The following PLXNA2 variants were observed in gnomAD, a reference collection of about 807,000 sequenced individuals.
PLXNA2 encodes the protein plexin A2, also known as plexin-A2.
In PLXNA2, 91 loss-of-function variants were observed where a neutral mutation model predicts 193.5. That is an observed-to-expected ratio of 0.47 (90% confidence interval 0.40 to 0.56). The LOEUF (loss-of-function observed/expected upper bound fraction) is 0.56. PLXNA2 is among the 20% of genes least tolerant of loss of function. PLXNA2 has a pLI of 0.00. For synonymous variants in PLXNA2, 997 were observed against 1,027.3 expected, an observed-to-expected ratio of 0.97 and a Z score of 0.56; for missense variants, 1,995 against 2,503.2, an observed-to-expected ratio of 0.80 and a Z score of 4.33.
intron 3 of PLXNA2, among the ~76,000 whole-genome samples, chr1:208,185,696 C>CAAAAAAAAA (rs56384277): frequency 1.9e-3 from 110 of 57,200 alleles, no homozygotes; most frequent in African/African-American, 2.3e-3. Flanking sequence ...TCTCTGAAAG[C>CAAAAAAAAA]AAAAAAAAAA....
At chr1:208,100,688 G>C (rs920409806) in intron 5 of PLXNA2, among the ~76,000 whole-genome samples, 2 of 152,202 alleles carry the variant, frequency 1.3e-5, no homozygotes, top group African/African-American at 4.8e-5. Flanking sequence ...ATAAATGTTT[G>C]TGTCACGAAA....
intron 5 of PLXNA2, among the ~76,000 whole-genome samples, chr1:208,102,171 C>A (rs1571917707): frequency 2.6e-5 from 4 of 152,230 alleles, no homozygotes; most frequent in South Asian, 4.1e-4. Context: ...CTGTGAGGCA[C>A]CAGCTTCCCT....
chr1:208,212,752 G>A (rs934674586), intron 2 of PLXNA2, among the ~76,000 whole-genome samples: 3 of 152,162 alleles, frequency 2.0e-5, no homozygotes, highest in African/African-American at 7.2e-5. Context: ...AGAAAGGCAG[G>A]TCAGAGTTAT....
At chr1:208,224,119 G>A (rs1392682830) in intron 1 of PLXNA2, among the ~76,000 whole-genome samples, 4 of 152,220 alleles carry the variant, frequency 2.6e-5, no homozygotes, top group African/African-American at 4.8e-5. Flanking sequence ...GTCCAGGCAC[G>A]TTGGGTAGCA....
chr1:208,200,779 T>C (rs1430484250), intron 3 of PLXNA2, among the ~76,000 whole-genome samples: 1 of 151,712 alleles, frequency 6.6e-6, no homozygotes, highest in Non-Finnish European at 1.5e-5. Context: ...TTTTTTTTTG[T>C]ATTTTTAGTA....
intron 3 of PLXNA2, among the ~76,000 whole-genome samples, chr1:208,160,692 C>T (rs1669082697): frequency 6.6e-6 from 1 of 152,186 alleles, no homozygotes; most frequent in Admixed American, 6.5e-5. Flanking sequence ...TGAGGACCTG[C>T]TATGTGCTAA....
intron 3 of PLXNA2, among the ~76,000 whole-genome samples, chr1:208,200,631 G>A (rs933255687): frequency 4.9e-5 from 6 of 122,962 alleles, no homozygotes; most frequent in South Asian, 5.3e-4. Flanking sequence ...TTGCTCTGTC[G>A]CCTAGGCTGG....
chr1:208,028,836 A>G lies in PLXNA2; in HGVS notation c.5432T>C (p.Val1811Ala). 1 of 1,613,502 alleles carries G rather than the reference A, an allele frequency of 6.2e-7. No individual in the cohort carries two copies. The highest frequency in any genetic ancestry group is 8.5e-7 in the Non-Finnish European group (1 of 1,179,638). Residue 1811 changes from valine (V) to alanine (A), a missense_variant, in exon 30 of 32, where the codon GTG (valine) becomes GCG (alanine). Physicochemically the swap from Val to Ala is moderately conservative, Grantham distance 64. Coordinates refer to ENST00000367033, the MANE Select transcript of PLXNA2 (RefSeq NM_025179.4). This position sits in a 1 kb window ranked among gnomAD's most constrained non-coding sequence, Gnocchi z 4.2. ...TCCTGAGGGTGCTACTGACCTCTCC[A>G]CCCAGCTCTTGTAGCTGGGGATGTC... ...AKDIPSYKSW[V>A]ERYYADIAKL...
chr1:208,036,131 C>A (rs1664663270), intron 26 of PLXNA2, among the ~76,000 whole-genome samples: 1 of 152,166 alleles, frequency 6.6e-6, no homozygotes, highest in African/African-American at 2.4e-5. Flanking sequence ...GCTGTTGGTA[C>A]CATCAGCACT....
Position 208,051,042 on chromosome 1 carries a change from G to T in PLXNA2, c.3222C>A (p.Ile1074=). 1.2e-6 allele frequency: 2 copies of T among 1,614,068 alleles called. No homozygotes were observed. Among genetic ancestry groups the T allele is most frequent in the Non-Finnish European group, 8.5e-7 (1 of 1,179,946 alleles). The change falls in exon 17 of 32, where the codon ATC becomes ATA. Residue 1074 remains isoleucine, a synonymous_variant. Transcript: ENST00000367033. ...FNLDVIQEPR[I]RVKFNGKESV... ...ATTCTTTGCCATTGAATTTGACTCG[G>T]ATCCTTGGCTCCTGAATGACATCCA...
intron 5 of PLXNA2, among the ~76,000 whole-genome samples, chr1:208,099,815 T>C (rs1463236702): frequency 6.6e-6 from 1 of 151,998 alleles, no homozygotes; most frequent in Non-Finnish European, 1.5e-5. Flanking sequence ...GTGATCCACC[T>C]GCGTCAGTCT....
intron 22 of PLXNA2, among the ~76,000 whole-genome samples, chr1:208,041,659 A>T (rs111554266): frequency 1.3e-5 from 2 of 152,190 alleles, no homozygotes; most frequent in Non-Finnish European, 2.9e-5. Context: ...ATTCTATTTC[A>T]TTTTAATTTG....
chr1:208,051,260 C>A lies in PLXNA2; in HGVS notation c.3157G>T (p.Ala1053Ser). ...CCCTCCCACCTTCCACCTCACCTGG[C>A]AATGCTCCACTCTGGCTCGATGCGC... is the stretch of plus-strand genomic sequence containing the variant. ...VQRIEPEWSI[A>S]SGHTPLTITG... The change falls in exon 16 of 32, where the codon GCC becomes TCC. Residue 1053 changes from alanine (A) to serine (S), a missense_variant. Transcript: ENST00000367033. 6.2e-7 allele frequency: 1 copy of A among 1,605,046 alleles called. No individual in the cohort carries two copies. Among genetic ancestry groups the A allele is most frequent in the Non-Finnish European group, 8.5e-7 (1 of 1,173,986 alleles).
chr1:208,164,364 G>C (rs1020991336), intron 3 of PLXNA2, among the ~76,000 whole-genome samples: 13 of 152,310 alleles, frequency 8.5e-5, no homozygotes, highest in African/African-American at 3.1e-4. Context: ...CCCTGTTCAG[G>C]ACTCTGCAGT....
chr1:208,147,167 G>A (rs543758287), intron 3 of PLXNA2, among the ~76,000 whole-genome samples: 42 of 152,248 alleles, frequency 2.8e-4, no homozygotes, highest in African/African-American at 8.4e-4. Context: ...GACTACAGGT[G>A]TGCACCACCA....
intron 1 of PLXNA2, among the ~76,000 whole-genome samples, chr1:208,225,670 C>T (rs552631575): frequency 2.6e-5 from 4 of 152,152 alleles, no homozygotes; most frequent in Admixed American, 6.5e-5. Context: ...AGGGTAGGCT[C>T]TAATGCGGTG....
rs766663884 is a variant in PLXNA2 at position 208,060,800 on chromosome 1, C to A, written c.2624G>T (p.Arg875Leu). 2 of 1,613,950 alleles carry A rather than the reference C, an allele frequency of 1.2e-6. No individual in the cohort carries two copies. The highest frequency in any genetic ancestry group is 1.7e-6 in the Non-Finnish European group (2 of 1,180,000). The change falls in exon 13 of 32, where the codon CGA becomes CTA. Residue 875 changes from arginine to leucine, a missense_variant. Coordinates refer to ENST00000367033, the MANE Select transcript of PLXNA2 (RefSeq NM_025179.4). ...CAGGTTCACGCCATGGATGGTCACT[C>A]GCGTCCCTCCTTCCGGCGGTCCAGA... ...TVSGPPEGGT[R>L]VTIHGVNLGL...
intron 3 of PLXNA2, among the ~76,000 whole-genome samples, chr1:208,190,774 AAT>A (rs966731051): frequency 4.6e-5 from 7 of 152,258 alleles, no homozygotes; most frequent in African/African-American, 1.7e-4. Flanking sequence ...AGCAACAAGT[AAT>A]ATGTTTGACA....
chr1:208,243,145 C>T (rs1049774578), intron 1 of PLXNA2, among the ~76,000 whole-genome samples: 5 of 152,138 alleles, frequency 3.3e-5, no homozygotes, highest in Admixed American at 2.6e-4. Flanking sequence ...CTCCAGTCCC[C>T]GATCGGAAGG....
Sources: allele counts gnomAD v4.1 joint callset (sites outside exome capture counted in the v4.1 genomes callset), GRCh38; gene constraint gnomAD v4.1.1; non-coding constraint Gnocchi (gnomAD v3.1); transcripts MANE v1.5; gene names NCBI Gene and HGNC (gene_info 2026-07-23, HGNC 2026-07-21).